The following GRM8 variants were observed in gnomAD, a reference collection of about 807,000 sequenced individuals.
GRM8 encodes the protein metabotropic glutamate receptor 8.
Under a neutral mutation model 87.2 loss-of-function variants are expected in GRM8, and 47 were observed. The observed-to-expected ratio is 0.54, with a 90% CI of 0.43 to 0.69. The LOEUF (loss-of-function observed/expected upper bound fraction) is 0.69, where lower values mean the gene tolerates loss of function less well. Among genes scored for constraint, GRM8 ranks in the 30% least tolerant of loss-of-function variants. The pLI is 0.00. For missense variants in GRM8, 1,019 were observed against 1,139.2 expected (o/e 0.89, Z 1.52); for synonymous variants, 396 against 404.5 (o/e 0.98, Z 0.25).
At chr7:126,612,703 T>C (rs1799041224) in intron 7 of GRM8, among the ~76,000 whole-genome samples, 1 of 152,224 alleles carries the variant, frequency 6.6e-6, no homozygotes, top group African/African-American at 2.4e-5. Flanking sequence ...CAAAAGTATC[T>C]ATTATCTTTG....
intron 3 of GRM8, among the ~76,000 whole-genome samples, chr7:127,020,094 T>C (rs982468816): frequency 6.6e-6 from 1 of 152,104 alleles, no homozygotes; most frequent in African/African-American, 2.4e-5. Flanking sequence ...AGATTATAAA[T>C]ACACAGAAGC....
intron 6 of GRM8, among the ~76,000 whole-genome samples, chr7:126,878,896 C>T (rs1799771366): frequency 6.6e-6 from 1 of 151,662 alleles, no homozygotes. Flanking sequence ...GGCACGGTGG[C>T]TCACGCCTGT....
At chr7:126,938,818 T>A in intron 3 of GRM8, among the ~76,000 whole-genome samples, 1 of 152,262 alleles carries the variant, frequency 6.6e-6, no homozygotes, top group South Asian at 2.1e-4. Context: ...GTAACAAATA[T>A]CAGAAAATAA....
intron 6 of GRM8, among the ~76,000 whole-genome samples, chr7:126,850,340 G>A (rs187709593): frequency 9.2e-5 from 14 of 152,202 alleles, no homozygotes; most frequent in African/African-American, 3.4e-4. Flanking sequence ...TCCTTTATGT[G>A]TTGGAGTGCT....
chr7:127,147,670 C>T (rs1828626587), intron 2 of GRM8, among the ~76,000 whole-genome samples: 1 of 152,012 alleles, frequency 6.6e-6, no homozygotes, highest in Non-Finnish European at 1.5e-5. Flanking sequence ...TTTTTAGAAG[C>T]TTTTCAGAAT....
chr7:127,155,245 T>C (rs150882144), intron 2 of GRM8, among the ~76,000 whole-genome samples: 2 of 152,294 alleles, frequency 1.3e-5, no homozygotes, highest in East Asian at 1.9e-4. Context: ...TTTGCCACTG[T>C]AGCTGGAGCA....
At chr7:126,848,656 A>G (rs1227904949) in intron 6 of GRM8, among the ~76,000 whole-genome samples, 1 of 151,908 alleles carries the variant, frequency 6.6e-6, no homozygotes, top group Non-Finnish European at 1.5e-5. Flanking sequence ...CTCAATCTCT[A>G]CAAAAAAATA....
At chr7:126,823,431 T>C (rs1034708586) in intron 6 of GRM8, among the ~76,000 whole-genome samples, 1 of 152,238 alleles carries the variant, frequency 6.6e-6, no homozygotes, top group African/African-American at 2.4e-5. Context: ...GAGTATTAGT[T>C]GTCCCTTCAA....
chr7:127,068,223 A>T (rs921205825), intron 3 of GRM8, among the ~76,000 whole-genome samples: 10 of 152,206 alleles, frequency 6.6e-5, no homozygotes, highest in African/African-American at 2.4e-4. Context: ...GTGGTTTGAT[A>T]GTCAAAATCA....
At chr7:127,194,460 T>G (rs2299552) in intron 2 of GRM8, among the ~76,000 whole-genome samples, 101,703 of 151,522 alleles carry the variant, frequency 0.67, 35,096 homozygotes, top group African/African-American at 0.76. Flanking sequence ...AGAGTTTGAA[T>G]AAAGCCCCCA....
At chr7:126,963,364 T>C (rs1000212527) in intron 3 of GRM8, among the ~76,000 whole-genome samples, 1 of 152,140 alleles carries the variant, frequency 6.6e-6, no homozygotes, top group African/African-American at 2.4e-5. Flanking sequence ...ATCAATTGAA[T>C]CTGAATTATT....
At chr7:126,956,891 A>G (rs1423124074) in intron 3 of GRM8, among the ~76,000 whole-genome samples, 1 of 152,228 alleles carries the variant, frequency 6.6e-6, no homozygotes, top group Non-Finnish European at 1.5e-5. Context: ...TTCACTCAAT[A>G]CAGAGCCGAC....
chr7:126,784,680 A>AGTG (rs1287380937), intron 6 of GRM8, among the ~76,000 whole-genome samples: 112 of 152,318 alleles, frequency 7.4e-4, no homozygotes, highest in Non-Finnish European at 1.2e-4. Context: ...ATGCTAGACA[A>AGTG]GTTGGACAGA....
intron 7 of GRM8, among the ~76,000 whole-genome samples, chr7:126,619,213 T>C (rs1314841830): frequency 1.3e-5 from 2 of 152,222 alleles, no homozygotes; most frequent in East Asian, 1.9e-4. Flanking sequence ...GATGAGTTCA[T>C]GTCCTTTGTA....
intron 7 of GRM8, among the ~76,000 whole-genome samples, chr7:126,679,950 G>C (rs1414401182): frequency 2.0e-5 from 3 of 151,818 alleles, no homozygotes; most frequent in African/African-American, 7.3e-5. Context: ...AAAATCGCTT[G>C]AACCCAGGAG....
chr7:126,947,241 A>T (rs2131580537), intron 3 of GRM8, among the ~76,000 whole-genome samples: 1 of 152,376 alleles, frequency 6.6e-6, no homozygotes, highest in South Asian at 2.1e-4. Flanking sequence ...GCCAATATGA[A>T]CATAAAGAGT....
At chr7:126,715,248 T>C (rs182653242) in intron 7 of GRM8, among the ~76,000 whole-genome samples, 1 of 152,340 alleles carries the variant, frequency 6.6e-6, no homozygotes, top group Non-Finnish European at 1.5e-5. Flanking sequence ...CATGTGGAGA[T>C]GATTAGCATC....
chr7:126,477,689 G>A (rs1300043691), intron 9 of GRM8, among the ~76,000 whole-genome samples: 2 of 150,920 alleles, frequency 1.3e-5, no homozygotes, highest in Admixed American at 1.3e-4. Flanking sequence ...AGGAAGGGAG[G>A]GAGTGATGAA....
chr7:126,779,741 T>G lies in GRM8; in HGVS notation c.1157-9676A>C, dbSNP rs188225045. 7.3e-3 allele frequency among the ~76,000 whole-genome samples: 1,110 copies of G among 152,298 alleles called. 6 individuals carry two copies. Among genetic ancestry groups the G allele is most frequent in the Non-Finnish European group, 0.01 (701 of 68,012 alleles). On this transcript the variant is annotated intron_variant, in intron 6 of 10. Coordinates refer to ENST00000339582, the MANE Select transcript of GRM8 (RefSeq NM_000845.3). ...ATTTATTTTCATTAACTGGTATAAT[T>G]TATAAATTTCTATTTATTTTTAATA...
Sources: gnomAD v4.1 joint callset for allele counts (sites outside exome capture counted in the v4.1 genomes callset) on GRCh38, gnomAD v4.1.1 for gene constraint, MANE v1.5 for transcripts, NCBI Gene and HGNC (gene_info 2026-07-23, HGNC 2026-07-21) for gene names.